The following UGT1A3 variants were observed in gnomAD, a reference collection of about 807,000 sequenced individuals.
UGT1A3 encodes the protein UDP-glucuronosyltransferase 1A3.
A neutral mutation model predicts 41.0 loss-of-function variants in UGT1A3; 31 were observed. That is an observed-to-expected ratio of 0.76 (90% CI 0.57 to 1.02). The LOEUF (loss-of-function observed/expected upper bound fraction) is 1.02. Ranked by LOEUF, UGT1A3 falls within the 50% of genes least tolerant of loss-of-function variation. UGT1A3 has a pLI of 0.00. For missense variants in UGT1A3, 737 were observed against 671.0 expected (o/e 1.10, Z -1.09); for synonymous variants, 262 against 257.6 (o/e 1.02, Z -0.17).
intron 1 of UGT1A3, chr2:233,743,914 C>G (rs201448352): frequency 1.5e-6 from 2 of 1,364,518 alleles, no homozygotes; most frequent in Non-Finnish European, 2.0e-6. Context: ...AGTAGTCCAC[C>G]ATGCTGGATG....
intron 1 of UGT1A3, chr2:233,743,786 C>T: frequency 7.3e-7 from 1 of 1,367,346 alleles, no homozygotes; most frequent in Middle Eastern, 2.1e-4. Context: ...CTTGAATCTC[C>T]TCTCCGCTTC....
chr2:233,729,381 C>T lies in UGT1A3; in HGVS notation c.255C>T (p.Thr85=), dbSNP rs141683822. ...TGACAACCTATGCCATTTCGTGGAC[C>T]CAGGATGAATTTGATCGCCATGTGC... ...FTLTTYAISW[T]QDEFDRHVLG... The change falls in exon 1 of 5, where the codon ACC becomes ACT. Residue 85 remains threonine, a synonymous_variant. Transcript: ENST00000482026. 80 of 1,613,822 alleles carry T rather than the reference C, an allele frequency of 5.0e-5. No individual in the cohort carries two copies. The highest frequency in any genetic ancestry group is 6.7e-5 in the Non-Finnish European group (79 of 1,179,894).
Position 233,766,572 on chromosome 2 carries a change from G to A in UGT1A3, c.868-462G>A, listed in dbSNP as rs1699186765. On this transcript the variant is annotated intron_variant, in intron 1 of 4. Coordinates refer to ENST00000482026, the MANE Select transcript of UGT1A3 (RefSeq NM_019093.4). ...TCCTCACCTAGGTCCATGGGCACAG[G>A]TCTGGGGGTGGAGCCCTCGCCAGGG... Among the ~76,000 whole-genome samples, 3 of 152,322 alleles carry A rather than the reference G, an allele frequency of 2.0e-5. No individual in the cohort carries two copies. In the South Asian group the frequency reaches 6.2e-4, roughly 32 times the overall value.
chr2:233,751,961 T>G (rs923784516), intron 1 of UGT1A3, among the ~76,000 whole-genome samples: 8 of 152,012 alleles, frequency 5.3e-5, no homozygotes, highest in African/African-American at 1.9e-4. Context: ...TAAAGGAGAG[T>G]CTGAGAAAAG....
chr2:233,729,699 C>A lies in UGT1A3; in HGVS notation c.573C>A (p.Ser191=), dbSNP rs184386098. The change falls in exon 1 of 5, where the codon TCC becomes TCA. Residue 191 remains serine, a synonymous_variant. Coordinates refer to ENST00000482026, the MANE Select transcript of UGT1A3 (RefSeq NM_019093.4). The part of the protein sequence containing the change: ...DFKGTQCPNP[S]SYIPRLLTTN... Reference sequence around the variant, plus strand: ...AGGGCACACAGTGTCCAAACCCTTCCTCCTATATTCCTAGATTACTAACAA... The same window carrying A: ...AGGGCACACAGTGTCCAAACCCTTCATCCTATATTCCTAGATTACTAACAA... 39 of 1,613,944 alleles carry A rather than the reference C, an allele frequency of 2.4e-5. No homozygotes were observed. The East Asian group carries it at 8.7e-4, about 36-fold the overall frequency.
chr2:233,744,064 T>G, intron 1 of UGT1A3: 1 of 560,044 alleles, frequency 1.8e-6, no homozygotes, highest in Non-Finnish European at 2.7e-6. Context: ...TCGAGGCCTA[T>G]GAGCGCCTCG....
intron 1 of UGT1A3, among the ~76,000 whole-genome samples, chr2:233,762,865 T>G (rs1473495061): frequency 6.6e-6 from 1 of 152,238 alleles, no homozygotes; most frequent in Non-Finnish European, 1.5e-5. Context: ...TAAAGAAATT[T>G]TGGTTTCTTC....
At chr2:233,755,246 C>T (rs1229068281) in intron 1 of UGT1A3, 3 of 850,962 alleles carry the variant, frequency 3.5e-6, no homozygotes, top group Non-Finnish European at 5.3e-6. Flanking sequence ...GGGGTACTCC[C>T]AGCACCTCGT....
intron 1 of UGT1A3, among the ~76,000 whole-genome samples, chr2:233,765,948 C>T (rs1314751958): frequency 6.6e-6 from 1 of 152,116 alleles, no homozygotes; most frequent in African/African-American, 2.4e-5. Context: ...GCTCTGACCT[C>T]ACCGGCAGTG....
chr2:233,734,667 C>G (rs1395342717), intron 1 of UGT1A3, among the ~76,000 whole-genome samples: 1 of 152,100 alleles, frequency 6.6e-6, no homozygotes. Flanking sequence ...ATAAATTTCC[C>G]TCTACACACT....
chr2:233,731,132 CTA>C (rs1206897988), intron 1 of UGT1A3, among the ~76,000 whole-genome samples: 3 of 152,006 alleles, frequency 2.0e-5, no homozygotes, highest in African/African-American at 7.3e-5. Flanking sequence ...GCAAAAGACT[CTA>C]AGCTTCATTT....
intron 1 of UGT1A3, chr2:233,742,608 G>A (rs540595235): frequency 6.6e-6 from 1 of 152,040 alleles, no homozygotes; most frequent in South Asian, 2.1e-4. Context: ...CATAGTTGGA[G>A]AACCACGTTC....
At chr2:233,740,153 C>G (rs1191038998) in intron 1 of UGT1A3, among the ~76,000 whole-genome samples, 1 of 151,824 alleles carries the variant, frequency 6.6e-6, no homozygotes, top group African/African-American at 2.4e-5. Context: ...CCTGAGGCCT[C>G]CCCAGTCATG....
intron 1 of UGT1A3, chr2:233,739,179 C>T (rs1480075812): frequency 1.3e-5 from 2 of 152,348 alleles, no homozygotes; most frequent in East Asian, 3.9e-4. Context: ...TAAGGAAATG[C>T]TTGGATGTCC....
intron 1 of UGT1A3, among the ~76,000 whole-genome samples, chr2:233,744,679 T>C (rs1489705981): frequency 6.6e-6 from 1 of 151,892 alleles, no homozygotes; most frequent in Admixed American, 6.5e-5. Flanking sequence ...ACATCACCCA[T>C]GTAGCTTCTG....
intron 1 of UGT1A3, chr2:233,760,664 G>C (rs1215512591): frequency 6.2e-7 from 1 of 1,614,182 alleles, no homozygotes; most frequent in Admixed American, 1.7e-5. Context: ...CTTTTGTCTG[G>C]CTGTTCCCAC....
chr2:233,767,793 GT>G, intron 2 of UGT1A3, 55 bp from the exon 3 acceptor site: 2 of 1,613,932 alleles, frequency 1.2e-6, no homozygotes, highest in Non-Finnish European at 1.7e-6. Context: ...TAGCAGATTT[GT>G]TTTCTAATCA....
chr2:233,763,429 C>G (rs192488384), intron 1 of UGT1A3, among the ~76,000 whole-genome samples: 230 of 152,268 alleles, frequency 1.5e-3, no homozygotes, highest in South Asian at 0.014. Context: ...CAGGCAGTTG[C>G]TTTAATAAGT....
chr2:233,734,986 T>C (rs946842672), intron 1 of UGT1A3, among the ~76,000 whole-genome samples: 1 of 152,248 alleles, frequency 6.6e-6, no homozygotes, highest in Non-Finnish European at 1.5e-5. Context: ...AGAATGTATA[T>C]TCTCTTGACT....
Sources: allele counts gnomAD v4.1 joint callset (sites outside exome capture counted in the v4.1 genomes callset), GRCh38; gene constraint gnomAD v4.1.1; transcripts MANE v1.5; gene names NCBI Gene and HGNC (gene_info 2026-07-23, HGNC 2026-07-21).